Variants in RABGGTB observed in about 807,000 individuals in gnomAD.
The protein encoded by RABGGTB is geranylgeranyl transferase type-2 subunit beta.
Under a neutral mutation model 44.5 loss-of-function variants are expected in RABGGTB, and 20 were observed. That is an observed-to-expected ratio of 0.45 (90% confidence interval 0.32 to 0.65). The LOEUF is 0.65. Among genes scored for constraint, RABGGTB ranks in the 30% least tolerant of loss-of-function variants. RABGGTB has a pLI of 0.05. For synonymous variants in RABGGTB, 128 were observed against 136.7 expected, an observed-to-expected ratio of 0.94 and a Z score of 0.44; for missense variants, 302 against 398.7, an observed-to-expected ratio of 0.76 and a Z score of 2.06.
At chr1:75,790,413 T>C (rs1157542003) in intron 4 of RABGGTB, 2 of 1,141,840 alleles carry the variant, frequency 1.8e-6, no homozygotes, top group African/African-American at 3.2e-5. Flanking sequence ...GAATAGAATT[T>C]TATTTGATAA....
Position 75,789,364 on chromosome 1 carries a change from C to T in RABGGTB, c.309+8C>T. Reference sequence around the variant, plus strand: ...ACTCTTAGTGCTGTCCAGGTAAATACTAATCAAAATTGCAACGATCTTGAT... The same window carrying T: ...ACTCTTAGTGCTGTCCAGGTAAATATTAATCAAAATTGCAACGATCTTGAT... On this transcript the variant is annotated splice_region_variant and intron_variant, in intron 3 of 8. Transcript: ENST00000319942. 1 of 1,608,162 alleles carries T rather than the reference C, an allele frequency of 6.2e-7. No individual in the cohort carries two copies. The highest frequency in any genetic ancestry group is 1.3e-5 in the African/African-American group (1 of 74,914).
rs1374346844 is a variant in RABGGTB, at chr1:75,794,183, G to A, written c.805G>A (p.Ala269Thr). ...AGAGAAACTGCGTAATTTCATTTTA[G>A]CATGTCAAGATGAAGAAACGGGGGG... The part of the protein sequence containing the change: ...DREKLRNFIL[A>T]CQDEETGGFA... Residue 269 changes from alanine to threonine, a missense_variant, in exon 8 of 9, where the codon GCA becomes ACA. By Grantham distance (58) the Ala-to-Thr change is moderately conservative (BLOSUM62 0). Coordinates refer to ENST00000319942, the MANE Select transcript of RABGGTB (RefSeq NM_004582.4). The A allele has an allele frequency of 1.9e-5, 30 of 1,613,682 alleles. No individual in the cohort carries two copies. Among genetic ancestry groups the A allele is most frequent in the Non-Finnish European group, 2.5e-5 (30 of 1,179,680 alleles).
At chr1:75,786,671 C>A in intron 1 of RABGGTB, 1 of 261,010 alleles carries the variant, frequency 3.8e-6, no homozygotes, top group Non-Finnish European at 7.5e-6. Context: ...TACTTAATCA[C>A]TTCCGGTAAT....
Position 75,790,003 on chromosome 1 carries a change from G to C in RABGGTB, c.361G>C (p.Glu121Gln). 6.2e-7 allele frequency: 1 copy of C among 1,612,930 alleles called. No individual in the cohort carries two copies. The highest frequency in any genetic ancestry group is 8.5e-7 in the Non-Finnish European group (1 of 1,179,394). The change falls in exon 4 of 9, where the codon GAA becomes CAA. Residue 121 changes from glutamate to glutamine, a missense_variant. This residue lies in a region of RABGGTB where 213 missense variants were observed against 323.7 expected (regional missense o/e 0.66). Transcript: ENST00000319942. Reference sequence around the variant, plus strand: ...TGTTATTGACGTAAATAAAGTTGTGGAATATGTTAAAGGTCTACAGAAAGA... The same window carrying C: ...TGTTATTGACGTAAATAAAGTTGTGCAATATGTTAAAGGTCTACAGAAAGA... ...INVIDVNKVV[E>Q]YVKGLQKEDG...
chr1:75,794,427 A>G (rs1293514513), intron 8 of RABGGTB, 83 bp from the exon 9 acceptor site: 6 of 1,412,346 alleles, frequency 4.2e-6, no homozygotes, highest in South Asian at 1.4e-5. Context: ...CAAAATTAGT[A>G]TATGGTAAAG....
chr1:75,789,459 A>G, intron 3 of RABGGTB, 103 bp downstream of exon 3: 1 of 1,167,402 alleles, frequency 8.6e-7, no homozygotes, highest in Non-Finnish European at 1.3e-6. Flanking sequence ...TTTTGTTACA[A>G]GTGAAGCTGT....
At chr1:75,787,291 A>AC (rs773307515) in intron 1 of RABGGTB, 16 of 621,898 alleles carry the variant, frequency 2.6e-5, no homozygotes, top group Non-Finnish European at 4.3e-5. Flanking sequence ...GCAGTGACAC[A>AC]ACCTCAGTTC....
At chr1:75,791,669 A>T in intron 6 of RABGGTB, 98 bp downstream of exon 6, 1 of 1,048,374 alleles carries the variant, frequency 9.5e-7, no homozygotes, top group Non-Finnish European at 1.4e-6. Context: ...AATACACATA[A>T]AGTTAATTCG....
At chr1:75,790,509 T>C in intron 4 of RABGGTB, 2 of 1,003,686 alleles carry the variant, frequency 2.0e-6, no homozygotes, top group Non-Finnish European at 2.4e-6. Flanking sequence ...TCTACTTTTA[T>C]AAAGTAGGGT....
intron 2 of RABGGTB, chr1:75,787,969 C>T (rs1649542051): frequency 1.9e-6 from 1 of 524,472 alleles, no homozygotes; most frequent in South Asian, 1.4e-5. Context: ...TACTCTGAGA[C>T]CTTGAAAAAG....
intron 4 of RABGGTB, chr1:75,790,314 A>C: frequency 8.1e-7 from 1 of 1,236,420 alleles, no homozygotes; most frequent in South Asian, 4.1e-5. Context: ...GTGGCTTTGT[A>C]AAGTTTTTTA....
At chr1:75,793,974 C>A (rs2100490876) in intron 7 of RABGGTB, 110 bp from the exon 8 acceptor site, 4 of 1,124,040 alleles carry the variant, frequency 3.6e-6, no homozygotes, top group South Asian at 2.0e-5. Context: ...CATGGTTTGA[C>A]ACTTTGAACA....
At position 75,794,616 on chromosome 1, in the gene RABGGTB, A is replaced by G. The variant is rs1649724438; in HGVS notation, c.962A>G (p.Gln321Arg). ...PVFCMPEEVLQRVNVQPELVS is the reference protein window; with the variant it reads ...PVFCMPEEVLRRVNVQPELVS ...TTTTGCATGCCTGAAGAAGTGCTTC[A>G]GAGAGTGAATGTTCAGCCTGAGCTA... Residue 321 changes from glutamine (Q) to arginine (R), a missense_variant, in exon 9 of 9, where the codon CAG (glutamine) becomes CGG (arginine). Gln to Arg is a conservative substitution (Grantham distance 43). Around this residue, in one of 2 missense-constraint regions of RABGGTB, gnomAD observed 213 missense variants for 323.7 expected, o/e 0.66. Transcript: ENST00000319942. 6.2e-7 allele frequency: 1 copy of G among 1,612,610 alleles called. No homozygotes were observed. Among genetic ancestry groups the G allele is most frequent in the Non-Finnish European group, 8.5e-7 (1 of 1,179,094 alleles).
chr1:75,789,854 G>A lies in RABGGTB; in HGVS notation c.310-98G>A, dbSNP rs942639486. ...TTTGAGAAAAGGTTATATACACAGAGACAAAAGGATGTGCTTGACAACTTA... is the reference window on the plus strand; with the variant it reads ...TTTGAGAAAAGGTTATATACACAGAAACAAAAGGATGTGCTTGACAACTTA... On this transcript the variant is annotated intron_variant, in intron 3 of 8. Coordinates refer to ENST00000319942, the MANE Select transcript of RABGGTB (RefSeq NM_004582.4). 14 of 874,250 alleles carry A rather than the reference G, an allele frequency of 1.6e-5. 3 individuals carry two copies. Among genetic ancestry groups the A allele is most frequent in the Admixed American group, 2.3e-5 (1 of 42,682 alleles). 54.2% of individuals were successfully genotyped at this position (874,250 alleles called of 1,614,324 possible). A position where few individuals can be genotyped will look rare whatever the true frequency, so the allele number is the denominator to read the frequency against.
chr1:75,794,319 C>T (rs564878473), intron 8 of RABGGTB, 86 bp downstream of exon 8: 20 of 1,460,726 alleles, frequency 1.4e-5, no homozygotes, highest in Admixed American at 2.2e-5. Flanking sequence ...GGTGGCATTC[C>T]GAGTGTTGCT....
intron 1 of RABGGTB, chr1:75,787,026 T>A: frequency 2.0e-6 from 1 of 505,790 alleles, no homozygotes; most frequent in Non-Finnish European, 4.0e-6. Flanking sequence ...TACTTATCTT[T>A]TTGAATGAAA....
intron 4 of RABGGTB, among the ~76,000 whole-genome samples, chr1:75,790,933 A>G (rs1146637): frequency 0.59 from 90,020 of 151,932 alleles, 27,972 homozygotes; most frequent in African/African-American, 0.72. Context: ...CTGAGCCACA[A>G]TGCCCAGCCC....
intron 7 of RABGGTB, 124 bp from the exon 8 acceptor site, chr1:75,793,960 T>C: frequency 9.8e-7 from 1 of 1,020,958 alleles, no homozygotes; most frequent in Non-Finnish European, 1.4e-6. Flanking sequence ...ATTTCGTCCT[T>C]CCACATGGTT....
At chr1:75,791,923 A>G (rs1649656285) in intron 6 of RABGGTB, 1 of 413,438 alleles carries the variant, frequency 2.4e-6, no homozygotes, top group Non-Finnish European at 4.3e-6. Flanking sequence ...GCCAGAGAAC[A>G]CTGAATATGT....
Sources: allele counts gnomAD v4.1 joint callset (sites outside exome capture counted in the v4.1 genomes callset), GRCh38; gene constraint gnomAD v4.1.1; regional missense constraint gnomAD v4.1.1; transcripts MANE v1.5; gene names NCBI Gene and HGNC (gene_info 2026-07-23, HGNC 2026-07-21).